SNTG1: variants seen among roughly 807,000 people sequenced by gnomAD.
SNTG1 encodes the protein syntrophin gamma 1.
In SNTG1, 39 loss-of-function variants were observed where a neutral mutation model predicts 74.7. That is an observed-to-expected ratio of 0.52 (90% CI 0.40 to 0.68). The LOEUF (loss-of-function observed/expected upper bound fraction) is 0.68, where lower values mean the gene tolerates loss of function less well. Ranked by LOEUF, SNTG1 falls within the 30% of genes least tolerant of loss-of-function variation. The pLI is 0.00. For synonymous variants in SNTG1, 254 were observed against 217.1 expected (o/e 1.17, Z -1.49); for missense variants, 685 against 609.5 (o/e 1.12, Z -1.30).
intron 1 of SNTG1, among the ~76,000 whole-genome samples, chr8:49,930,000 C>T (rs1380389542): frequency 6.6e-6 from 1 of 151,270 alleles, no homozygotes; most frequent in African/African-American, 2.4e-5. Context: ...AACAAGTAAA[C>T]AACTAAAACA....
intron 2 of SNTG1, among the ~76,000 whole-genome samples, chr8:50,257,932 A>G (rs2086966962): frequency 6.6e-6 from 1 of 152,262 alleles, no homozygotes; most frequent in Non-Finnish European, 1.5e-5. Flanking sequence ...CAATAGAGGC[A>G]GAGCAGCCAG....
intron 1 of SNTG1, among the ~76,000 whole-genome samples, chr8:50,008,420 C>A (rs1208304674): frequency 6.6e-6 from 1 of 152,140 alleles, no homozygotes; most frequent in Non-Finnish European, 1.5e-5. Context: ...TTAAACACAT[C>A]CTGTGGAAAT....
intron 12 of SNTG1, among the ~76,000 whole-genome samples, chr8:50,558,714 C>T (rs1385995331): frequency 6.6e-6 from 1 of 151,102 alleles, no homozygotes; most frequent in Non-Finnish European, 1.5e-5. Context: ...AACAAAACAA[C>T]TACATGATAT....
intron 1 of SNTG1, among the ~76,000 whole-genome samples, chr8:50,039,241 G>A (rs1001606755): frequency 7.2e-5 from 11 of 151,946 alleles, no homozygotes; most frequent in Admixed American, 5.9e-4. Context: ...AGATCACAAG[G>A]TCAGGAGATC....
chr8:50,235,229 G>A (rs1171931086), intron 2 of SNTG1, among the ~76,000 whole-genome samples: 2 of 152,104 alleles, frequency 1.3e-5, no homozygotes, highest in African/African-American at 2.4e-5. Context: ...TAAAGAAAAT[G>A]TGGAATATGT....
chr8:50,160,479 C>G (rs1340127375), intron 1 of SNTG1, among the ~76,000 whole-genome samples: 3 of 152,102 alleles, frequency 2.0e-5, no homozygotes, highest in Non-Finnish European at 4.4e-5. Context: ...AAGATTAGTC[C>G]TCATCACTTA....
intron 1 of SNTG1, among the ~76,000 whole-genome samples, chr8:50,144,404 G>A (rs2081782082): frequency 6.6e-6 from 1 of 152,180 alleles, no homozygotes. Context: ...AGCATACCTA[G>A]GTGAGGTCAT....
chr8:50,490,822 C>CAG (rs2093845318), intron 8 of SNTG1: 1 of 152,504 alleles, frequency 6.6e-6, no homozygotes, highest in African/African-American at 2.4e-5. Context: ...GGCCTGGGTC[C>CAG]CACGTCCTGA....
At chr8:50,642,147 CG>C (rs1350674570) in intron 13 of SNTG1, among the ~76,000 whole-genome samples, 1 of 152,036 alleles carries the variant, frequency 6.6e-6, no homozygotes, top group Non-Finnish European at 1.5e-5. Flanking sequence ...TTGCAAAGAT[CG>C]AAAACTTTCT....
chr8:50,364,175 G>A (rs1212302934), intron 2 of SNTG1, among the ~76,000 whole-genome samples: 1 of 152,098 alleles, frequency 6.6e-6, no homozygotes, highest in Admixed American at 6.5e-5. Flanking sequence ...TGGGGAATTG[G>A]GGTTGAAAGT....
At chr8:50,306,311 G>C (rs1418764383) in intron 2 of SNTG1, among the ~76,000 whole-genome samples, 2 of 151,894 alleles carry the variant, frequency 1.3e-5, no homozygotes, top group Admixed American at 6.6e-5. Context: ...GGACACTGGG[G>C]TTGGTTCTAT....
At chr8:50,562,223 G>A (rs756687396) in intron 12 of SNTG1, among the ~76,000 whole-genome samples, 1 of 152,158 alleles carries the variant, frequency 6.6e-6, no homozygotes, top group African/African-American at 2.4e-5. Context: ...CTAACTCCCA[G>A]AACCTGTGAC....
intron 2 of SNTG1, among the ~76,000 whole-genome samples, chr8:50,274,347 A>G (rs1226944226): frequency 1.3e-5 from 2 of 152,030 alleles, no homozygotes; most frequent in Non-Finnish European, 2.9e-5. Context: ...TACGCTTCCC[A>G]AAGTGCTGGG....
rs148662880 is a variant in SNTG1 at position 50,560,880 on chromosome 8, G to C, written c.810+7701G>C. ...TTCCCCAGAACTTAAAATAAAATTT[G>C]ATAAAATAAAGAAGGAAAACAAATA... On this transcript the variant is annotated intron_variant, in intron 12 of 18. Transcript: ENST00000642720. 8.8e-3 allele frequency among the ~76,000 whole-genome samples: 1,332 copies of C among 152,104 alleles called. 3 individuals carry two copies. Among genetic ancestry groups the C allele is most frequent in the South Asian group, 0.017 (82 of 4,814 alleles).
chr8:50,002,361 G>C (rs1159325332), intron 1 of SNTG1, among the ~76,000 whole-genome samples: 1 of 151,754 alleles, frequency 6.6e-6, no homozygotes, highest in East Asian at 1.9e-4. Flanking sequence ...GATAAGAGTG[G>C]TATCTCTTAT....
At chr8:50,235,719 A>C (rs561876589) in intron 2 of SNTG1, among the ~76,000 whole-genome samples, 1 of 152,266 alleles carries the variant, frequency 6.6e-6, no homozygotes, top group East Asian at 1.9e-4. Flanking sequence ...GATTTGAAAA[A>C]CAATTATGAT....
chr8:49,960,959 C>T (rs1248209243), intron 1 of SNTG1, among the ~76,000 whole-genome samples: 2 of 152,118 alleles, frequency 1.3e-5, no homozygotes, highest in South Asian at 2.1e-4. Context: ...TTATCAGGAG[C>T]GGAAAGTTAC....
chr8:50,699,135 C>G (rs1201719563), intron 15 of SNTG1, among the ~76,000 whole-genome samples: 1 of 151,962 alleles, frequency 6.6e-6, no homozygotes, highest in Non-Finnish European at 1.5e-5. Flanking sequence ...ACAAGGAGAT[C>G]TGTACCCTGT....
chr8:50,170,580 A>G (rs996407523), intron 1 of SNTG1, among the ~76,000 whole-genome samples: 1 of 152,216 alleles, frequency 6.6e-6, no homozygotes, highest in African/African-American at 2.4e-5. Flanking sequence ...CTGCATAAAA[A>G]CATGTAGCAA....
Sources: allele counts gnomAD v4.1 joint callset (sites outside exome capture counted in the v4.1 genomes callset), GRCh38; gene constraint gnomAD v4.1.1; transcripts MANE v1.5; gene names NCBI Gene and HGNC (gene_info 2026-07-23, HGNC 2026-07-21).